Variants in MYT1L observed in about 807,000 individuals in gnomAD.
MYT1L encodes the protein myelin transcription factor 1-like protein.
MYT1L carries 12 observed loss-of-function variants against 126.7 expected under a neutral mutation model. The observed-to-expected ratio is 0.09, with a 90% CI of 0.06 to 0.15. MYT1L has a LOEUF of 0.15. Ranked by LOEUF, MYT1L falls within the 10% of genes least tolerant of loss-of-function variation. The pLI, the probability that MYT1L is intolerant of heterozygous loss-of-function variation, is 1.00. For synonymous variants in MYT1L, 541 were observed against 604.2 expected, an observed-to-expected ratio of 0.90 and a Z score of 1.53; for missense variants, 979 against 1,585.2, an observed-to-expected ratio of 0.62 and a Z score of 6.49.
At chr2:1,909,437 CAT>C (rs1297942077) in intron 13 of MYT1L, among the ~76,000 whole-genome samples, 1 of 152,132 alleles carries the variant, frequency 6.6e-6, no homozygotes, top group African/African-American at 2.4e-5. Flanking sequence ...AAGATGATTA[CAT>C]AGAGACAAGG....
intron 8 of MYT1L, among the ~76,000 whole-genome samples, chr2:1,954,883 T>C (rs1027626551): frequency 2.0e-5 from 3 of 150,180 alleles, no homozygotes; most frequent in Non-Finnish European, 4.4e-5. Context: ...AGGCCAAACA[T>C]GGTGAAACCC....
At position 1,837,661 on chromosome 2, in the gene MYT1L, C is replaced by T. The variant is rs573889175; in HGVS notation, c.3080+1488G>A. 9.9e-5 allele frequency among the ~76,000 whole-genome samples: 15 copies of T among 152,126 alleles called. 1 individual carries two copies. The East Asian group carries it at 2.3e-3, about 24-fold the overall frequency. On this transcript the variant is annotated intron_variant, in intron 21 of 24. Transcript: ENST00000647738. ...AACAGGCTCAATGGGGAGGGTGAGG[C>T]GGCTCTGTGACACCCTGGGCTTCTG...
At chr2:2,030,545 A>G (rs547028169) in intron 4 of MYT1L, among the ~76,000 whole-genome samples, 13 of 152,316 alleles carry the variant, frequency 8.5e-5, no homozygotes, top group African/African-American at 2.9e-4. Flanking sequence ...AGTGATTAAG[A>G]TTTTTTAAAA....
intron 2 of MYT1L, among the ~76,000 whole-genome samples, chr2:2,180,787 T>C (rs2091372687): frequency 2.0e-5 from 3 of 151,448 alleles, no homozygotes; most frequent in Admixed American, 6.6e-5. Flanking sequence ...TACCTGTGTG[T>C]GCCTGTGTGT....
intron 3 of MYT1L, among the ~76,000 whole-genome samples, chr2:2,127,476 TC>T (rs2081864189): frequency 6.6e-6 from 1 of 152,188 alleles, no homozygotes; most frequent in Admixed American, 6.5e-5. Flanking sequence ...TCTACAAAGC[TC>T]CCTAGGTGCA....
intron 8 of MYT1L, among the ~76,000 whole-genome samples, chr2:1,946,783 T>G (rs1215146791): frequency 1.3e-5 from 2 of 152,142 alleles, no homozygotes; most frequent in African/African-American, 4.8e-5. Flanking sequence ...TAATCTGAGA[T>G]AATAATCTCA....
rs2076136165 is a variant in MYT1L at position 2,084,235 on chromosome 2, T to C, written c.-303-30112A>G. Among the ~76,000 whole-genome samples, 4 of 152,216 alleles carry C rather than the reference T, an allele frequency of 2.6e-5. No individual in the cohort carries two copies. In the South Asian group the frequency reaches 8.3e-4, roughly 32 times the overall value. ...TGCTGATGACTTCCCATACTCATTT[T>C]AGTATAGACTGAGAGGGCTAATAAG... On this transcript the variant is annotated intron_variant, in intron 3 of 24. Coordinates refer to ENST00000647738, the MANE Select transcript of MYT1L (RefSeq NM_001303052.2).
chr2:2,136,630 A>C (rs938873907), intron 3 of MYT1L, among the ~76,000 whole-genome samples: 1 of 152,206 alleles, frequency 6.6e-6, no homozygotes, highest in African/African-American at 2.4e-5. Context: ...TAATCATGAA[A>C]TCTTCAATTT....
At chr2:2,005,228 G>A (rs1306323015) in intron 4 of MYT1L, among the ~76,000 whole-genome samples, 315 of 24,278 alleles carry the variant, frequency 0.013, 4 homozygotes, top group African/African-American at 0.046. Context: ...TCTTTCCTGC[G>A]TGCCTTCTCT....
At chr2:2,032,201 TTCTA>T (rs1481732877) in intron 4 of MYT1L, among the ~76,000 whole-genome samples, 1 of 84,130 alleles carries the variant, frequency 1.2e-5, no homozygotes, top group Non-Finnish European at 2.3e-5. Flanking sequence ...CCAGAGCAGA[TTCTA>T]GAAGGAGGGC....
chr2:2,080,836 A>C (rs890056277), intron 3 of MYT1L, among the ~76,000 whole-genome samples: 1 of 152,236 alleles, frequency 6.6e-6, no homozygotes, highest in Non-Finnish European at 1.5e-5. Flanking sequence ...GTGACACAGC[A>C]ATTTCACTCC....
intron 2 of MYT1L, among the ~76,000 whole-genome samples, chr2:2,231,425 T>G (rs2094158275): frequency 6.6e-6 from 1 of 152,098 alleles, no homozygotes; most frequent in Admixed American, 6.5e-5. Context: ...CAAAAATGGT[T>G]TTGTTTATTT....
At chr2:1,996,723 G>T (rs1366987994) in intron 5 of MYT1L, among the ~76,000 whole-genome samples, 4 of 141,876 alleles carry the variant, frequency 2.8e-5, no homozygotes, top group Non-Finnish European at 6.1e-5. Context: ...TACCTAGTGA[G>T]TGAGGGCCAC....
At chr2:1,819,366 T>G (rs1390921049) in intron 21 of MYT1L, among the ~76,000 whole-genome samples, 1 of 152,148 alleles carries the variant, frequency 6.6e-6, no homozygotes, top group Admixed American at 6.5e-5. Flanking sequence ...TGTAAATGCT[T>G]TACTTATCAC....
At chr2:1,958,699 C>T (rs2058713622) in intron 8 of MYT1L, among the ~76,000 whole-genome samples, 1 of 152,154 alleles carries the variant, frequency 6.6e-6, no homozygotes, top group Non-Finnish European at 1.5e-5. Context: ...GGTGGGGGCT[C>T]AGCCGGCCCA....
intron 3 of MYT1L, among the ~76,000 whole-genome samples, chr2:2,068,781 T>TGTTTG (rs2074222502): frequency 7.2e-6 from 1 of 138,198 alleles, no homozygotes; most frequent in African/African-American, 2.7e-5. Flanking sequence ...TTTTTTTTTT[T>TGTTTG]TTTTTTTTTT....
chr2:1,903,119 C>T lies in MYT1L; in HGVS notation c.1993G>A (p.Val665Met). The change falls in exon 14 of 25, where the codon GTG becomes ATG. Residue 665 changes from valine to methionine, a missense_variant. Coordinates refer to ENST00000647738, the MANE Select transcript of MYT1L (RefSeq NM_001303052.2). ...TYGKRAIAPKVQTRDISPKGY... is the reference protein window; with the variant it reads ...TYGKRAIAPKMQTRDISPKGY... ...TTGGGGGATATATCCCTGGTTTGCA[C>T]CTTGGGAGCTATGGCTCGCTTGCCA... The T allele has an allele frequency of 6.2e-7, 1 of 1,614,010 alleles. No homozygotes were observed. Among genetic ancestry groups the T allele is most frequent in the Non-Finnish European group, 8.5e-7 (1 of 1,179,892 alleles).
In MYT1L at chr2:2,017,970, T is replaced by G. The variant is rs535845269; in HGVS notation, c.-157-20623A>C. On this transcript the variant is annotated intron_variant, in intron 4 of 24. Coordinates refer to ENST00000647738, the MANE Select transcript of MYT1L (RefSeq NM_001303052.2). ...AATCTAGTGAAAGCAGGTATCTGTT[T>G]TGTACACAAGCACTACACTCTTAAA... 5.9e-5 allele frequency among the ~76,000 whole-genome samples: 9 copies of G among 152,350 alleles called. No individual in the cohort carries two copies. The East Asian group carries it at 1.3e-3, about 23-fold the overall frequency.
At chr2:2,113,866 G>C (rs1016446915) in intron 3 of MYT1L, among the ~76,000 whole-genome samples, 1 of 151,746 alleles carries the variant, frequency 6.6e-6, no homozygotes, top group Non-Finnish European at 1.5e-5. Context: ...TACACAGATA[G>C]GAAAATAGTT....
Sources: allele counts gnomAD v4.1 joint callset (sites outside exome capture counted in the v4.1 genomes callset), GRCh38; gene constraint gnomAD v4.1.1; transcripts MANE v1.5; gene names NCBI Gene and HGNC (gene_info 2026-07-23, HGNC 2026-07-21).